CASD1: variants seen among roughly 807,000 people sequenced by gnomAD.
CASD1 encodes CAS1 domain sialic acid O acetyltransferase 1.
A neutral mutation model predicts 100.0 loss-of-function variants in CASD1; 41 were observed. That is an observed-to-expected ratio of 0.41 (90% CI 0.32 to 0.53). The LOEUF is 0.53. Among genes scored for constraint, CASD1 ranks in the 20% least tolerant of loss-of-function variants. The pLI, the probability that CASD1 is intolerant of heterozygous loss-of-function variation, is 0.25. For synonymous variants in CASD1, 321 were observed against 315.6 expected, an observed-to-expected ratio of 1.02 and a Z score of -0.18; for missense variants, 774 against 948.7, an observed-to-expected ratio of 0.82 and a Z score of 2.42.
chr7:94,563,137 T>A, the CASD1 span, among the ~76,000 whole-genome samples: 2 of 152,186 alleles, frequency 1.3e-5, no homozygotes, highest in African/African-American at 4.8e-5. Context: ...TATGACAAAG[T>A]GAGTAGTGAC....
intron 10 of CASD1, among the ~76,000 whole-genome samples, chr7:94,543,998 A>G (rs140640849): frequency 2.0e-5 from 3 of 152,326 alleles, no homozygotes; most frequent in African/African-American, 7.2e-5. Flanking sequence ...TACACTGGGT[A>G]AAAGTATGAA....
At chr7:94,536,009 G>A (rs555717040) in intron 8 of CASD1, among the ~76,000 whole-genome samples, 5 of 152,240 alleles carry the variant, frequency 3.3e-5, no homozygotes, top group African/African-American at 7.2e-5. Flanking sequence ...TTGGGAGGCC[G>A]AGGCAGGTAG....
At chr7:94,554,671 T>A in intron 17 of CASD1, 96 bp downstream of exon 17, 1 of 696,332 alleles carries the variant, frequency 1.4e-6, no homozygotes, top group East Asian at 2.7e-5. Flanking sequence ...TATATGTGAG[T>A]ATGAAAATCG....
the CASD1 span, among the ~76,000 whole-genome samples, chr7:94,564,141 C>T: frequency 1.2e-4 from 18 of 152,276 alleles, no homozygotes; most frequent in African/African-American, 4.3e-4. Context: ...TGTGAATGCA[C>T]ACAATTTCTG....
chr7:94,533,203 AGGATT>A lies in CASD1; in HGVS notation c.460-1_463del, dbSNP rs781453069. 6.2e-7 allele frequency: 1 copy of A among 1,605,432 alleles called. No individual in the cohort carries two copies. ...CTATGATAAAGATTTGTCTTCCTTTAGGATTCCATTGCAAAGCCACATGTGATTGT... is the reference window on the plus strand; with the variant it reads ...CTATGATAAAGATTTGTCTTCCTTTACCATTGCAAAGCCACATGTGATTGT... On this transcript the variant is annotated splice_acceptor_variant and coding_sequence_variant, in exon 6 of 18. Coordinates refer to ENST00000297273, the MANE Select transcript of CASD1 (RefSeq NM_022900.5). LOFTEE classifies it high-confidence loss of function.
intron 17 of CASD1, 82 bp from the exon 18 acceptor site, chr7:94,555,410 A>G: frequency 5.1e-6 from 7 of 1,369,926 alleles, no homozygotes; most frequent in South Asian, 4.2e-5. Flanking sequence ...TTATTATGCA[A>G]CCAAATTGTT....
the CASD1 span, among the ~76,000 whole-genome samples, chr7:94,573,310 C>T: frequency 2.6e-5 from 4 of 152,208 alleles, no homozygotes; most frequent in South Asian, 2.1e-4. Context: ...CTGTAAATTG[C>T]GTTGGGCAGT....
At chr7:94,596,716 A>G in the CASD1 span, among the ~76,000 whole-genome samples, 2 of 152,276 alleles carry the variant, frequency 1.3e-5, no homozygotes, top group African/African-American at 2.4e-5. Context: ...CTTCACATTC[A>G]TACTAAGTAT....
chr7:94,539,607 T>G (rs1795287405), intron 10 of CASD1, among the ~76,000 whole-genome samples: 1 of 147,214 alleles, frequency 6.8e-6, no homozygotes, highest in Admixed American at 7.0e-5. Context: ...GGATAGAGGT[T>G]GCAATGAGCC....
chr7:94,512,184 T>C lies in CASD1; in HGVS notation c.133+1967T>C, dbSNP rs574137849. On this transcript the variant is annotated intron_variant, in intron 1 of 17. Transcript: ENST00000297273. ...GAGGTGGCCAATCTTTTGGCTTCCG[T>C]GGGCCCCATTGGAAGAAGAAGAACT... is the stretch of plus-strand genomic sequence containing the variant. Among the ~76,000 whole-genome samples the C allele has an allele frequency of 1.3e-4, 20 of 152,354 alleles. No homozygotes were observed. The South Asian group carries it at 4.1e-3, about 32-fold the overall frequency.
the CASD1 span, chr7:94,598,005 C>T: frequency 6.0e-6 from 1 of 166,220 alleles, no homozygotes; most frequent in Non-Finnish European, 1.3e-5. Context: ...GAAACTCCAT[C>T]TTAAAAAAAA....
At chr7:94,571,751 A>G in the CASD1 span, among the ~76,000 whole-genome samples, 2 of 152,168 alleles carry the variant, frequency 1.3e-5, no homozygotes, top group Admixed American at 1.3e-4. Flanking sequence ...AGACTGGATG[A>G]CTTTTAAAAT....
chr7:94,518,610 A>G (rs571206867), intron 3 of CASD1, among the ~76,000 whole-genome samples: 7 of 152,308 alleles, frequency 4.6e-5, no homozygotes, highest in African/African-American at 1.7e-4. Flanking sequence ...TAGAAAGAAG[A>G]CAAAGAGAAA....
chr7:94,610,371 G>T, the CASD1 span, among the ~76,000 whole-genome samples: 2 of 152,304 alleles, frequency 1.3e-5, no homozygotes, highest in South Asian at 4.1e-4. Context: ...GTGATAGTGA[G>T]TTGTCAGTGT....
At chr7:94,544,622 A>G (rs1183228235) in intron 11 of CASD1, 92 bp downstream of exon 11, 7 of 1,254,298 alleles carry the variant, frequency 5.6e-6, no homozygotes, top group African/African-American at 3.1e-5. Flanking sequence ...TATAGTCATT[A>G]TAAGACTGAA....
the CASD1 span, among the ~76,000 whole-genome samples, chr7:94,612,059 A>G: frequency 1.3e-5 from 2 of 152,226 alleles, no homozygotes; most frequent in African/African-American, 4.8e-5. Context: ...AGTAACTACC[A>G]AGGCAACACC....
chr7:94,623,001 T>C, the CASD1 span, among the ~76,000 whole-genome samples: 1 of 152,132 alleles, frequency 6.6e-6, no homozygotes, highest in Non-Finnish European at 1.5e-5. Flanking sequence ...TGGAGTGCAG[T>C]GCTCCAGCCT....
chr7:94,588,605 C>T, the CASD1 span: 3 of 1,557,154 alleles, frequency 1.9e-6, no homozygotes, highest in Admixed American at 1.7e-5. Context: ...GAAGATAAAG[C>T]TTCATAAATT....
the CASD1 span, among the ~76,000 whole-genome samples, chr7:94,574,174 T>C: frequency 2.0e-5 from 3 of 152,212 alleles, no homozygotes; most frequent in Non-Finnish European, 4.4e-5. Context: ...TCAAGGATAT[T>C]GGCCTGCAGT....
Sources: gnomAD v4.1 joint callset for allele counts (sites outside exome capture counted in the v4.1 genomes callset) on GRCh38, gnomAD v4.1.1 for gene constraint, MANE v1.5 for transcripts, NCBI Gene and HGNC (gene_info 2026-07-23, HGNC 2026-07-21) for gene names.